The following SRPK2 variants were observed in gnomAD, a reference collection of about 807,000 sequenced individuals.
SRPK2 encodes SFRS protein kinase 2.
SRPK2 carries 21 observed loss-of-function variants against 90.8 expected under a neutral mutation model. That is an observed-to-expected ratio of 0.23 (90% CI 0.16 to 0.33). The LOEUF is 0.33. SRPK2 is among the 10% of genes least tolerant of loss of function. The pLI is 1.00. For synonymous variants in SRPK2, 288 were observed against 311.1 expected, an observed-to-expected ratio of 0.93 and a Z score of 0.78; for missense variants, 620 against 869.0, an observed-to-expected ratio of 0.71 and a Z score of 3.60.
chr7:105,381,807 G>A (rs926921419), intron 2 of SRPK2, among the ~76,000 whole-genome samples: 1 of 152,094 alleles, frequency 6.6e-6, no homozygotes, highest in Non-Finnish European at 1.5e-5. Flanking sequence ...TATACTACAG[G>A]GAAGTATAAA....
intron 2 of SRPK2, among the ~76,000 whole-genome samples, chr7:105,352,117 G>A (rs915951763): frequency 2.6e-5 from 4 of 152,060 alleles, no homozygotes; most frequent in Admixed American, 6.6e-5. Context: ...TAGAATCCCC[G>A]TCTTTTAACT....
intron 6 of SRPK2, among the ~76,000 whole-genome samples, chr7:105,164,168 G>A (rs1336757954): frequency 2.0e-5 from 3 of 152,340 alleles, no homozygotes; most frequent in Admixed American, 2.0e-4. Flanking sequence ...CTAGTGAAGA[G>A]GAAAGGTCAC....
At chr7:105,331,308 C>CAAAAAAAAAAAAAAAAAAAAAAAAAAAAA (rs57653042) in intron 2 of SRPK2, among the ~76,000 whole-genome samples, 1 of 45,106 alleles carries the variant, frequency 2.2e-5, no homozygotes, top group Non-Finnish European at 3.8e-5. Context: ...GACTCCGTCT[C>CAAAAAAAAAAAAAAAAAAAAAAAAAAAAA]AAAAAAAAAA....
At chr7:105,259,292 G>A (rs965318652) in intron 2 of SRPK2, among the ~76,000 whole-genome samples, 1 of 152,230 alleles carries the variant, frequency 6.6e-6, no homozygotes, top group East Asian at 1.9e-4. Flanking sequence ...AATTGCTTCA[G>A]AGAGAATAAA....
chr7:105,306,801 CA>C (rs1304539739), intron 2 of SRPK2, among the ~76,000 whole-genome samples: 1 of 152,084 alleles, frequency 6.6e-6, no homozygotes, highest in African/African-American at 2.4e-5. Context: ...AACACTATTA[CA>C]AGAACATTTT....
chr7:105,218,837 A>G (rs1797762044), intron 2 of SRPK2, among the ~76,000 whole-genome samples: 1 of 152,150 alleles, frequency 6.6e-6, no homozygotes, highest in Non-Finnish European at 1.5e-5. Context: ...GATAAATCCT[A>G]TTCATTTTTC....
intron 13 of SRPK2, among the ~76,000 whole-genome samples, chr7:105,129,050 C>T (rs903901305): frequency 2.0e-5 from 3 of 152,016 alleles, no homozygotes; most frequent in African/African-American, 7.2e-5. Context: ...TCTCAGCTCA[C>T]TGCAAGCTCA....
At chr7:105,169,037 C>A in intron 4 of SRPK2, 120 bp downstream of exon 4, 2 of 687,148 alleles carry the variant, frequency 2.9e-6, no homozygotes, top group South Asian at 2.5e-5. Context: ...CTGAGGCAGG[C>A]CTGTGCTAAG....
chr7:105,148,341 AAAAG>A (rs1804976068), intron 7 of SRPK2, among the ~76,000 whole-genome samples: 1 of 152,242 alleles, frequency 6.6e-6, no homozygotes, highest in African/African-American at 2.4e-5. Flanking sequence ...GCATTATACT[AAAAG>A]AAAGTGATGA....
chr7:105,329,930 G>A (rs1814082526), intron 2 of SRPK2, among the ~76,000 whole-genome samples: 1 of 152,148 alleles, frequency 6.6e-6, no homozygotes, highest in Admixed American at 6.6e-5. Context: ...AGCTACTCGG[G>A]AGACTGAGGC....
At chr7:105,385,201 G>T (rs2132750269) in intron 2 of SRPK2, among the ~76,000 whole-genome samples, 3 of 70,426 alleles carry the variant, frequency 4.3e-5, no homozygotes, top group African/African-American at 7.3e-5. Flanking sequence ...TTTTTTTTGA[G>T]ATGGAGTCTC....
At chr7:105,287,338 A>G (rs574643561) in intron 2 of SRPK2, among the ~76,000 whole-genome samples, 1 of 151,486 alleles carries the variant, frequency 6.6e-6, no homozygotes, top group Non-Finnish European at 1.5e-5. Context: ...CCAAAACATA[A>G]CTCTCACAAA....
chr7:105,358,741 G>C (rs1269263197), intron 2 of SRPK2, among the ~76,000 whole-genome samples: 1 of 152,012 alleles, frequency 6.6e-6, no homozygotes, highest in Non-Finnish European at 1.5e-5. Flanking sequence ...TTTACTATTT[G>C]TCTTAGTCTA....
At chr7:105,344,406 C>CTTTTTT (rs1563264048) in intron 2 of SRPK2, among the ~76,000 whole-genome samples, 2 of 128,612 alleles carry the variant, frequency 1.6e-5, no homozygotes, top group Admixed American at 8.7e-5. Flanking sequence ...TGCAGCCACA[C>CTTTTTT]CTTTTTTTTT....
At chr7:105,229,352 T>G (rs1050494661) in intron 2 of SRPK2, among the ~76,000 whole-genome samples, 1 of 151,872 alleles carries the variant, frequency 6.6e-6, no homozygotes, top group African/African-American at 2.4e-5. Flanking sequence ...TAGTCCCAGC[T>G]ACTCAGGAGG....
intron 1 of SRPK2, among the ~76,000 whole-genome samples, chr7:105,396,647 G>C: frequency 6.9e-6 from 1 of 145,788 alleles, no homozygotes; most frequent in South Asian, 2.3e-4. Context: ...AAGAAAGGGA[G>C]AGAGAGAGAG....
At chr7:105,226,377 C>T (rs1779381472) in intron 2 of SRPK2, among the ~76,000 whole-genome samples, 2 of 152,084 alleles carry the variant, frequency 1.3e-5, no homozygotes, top group South Asian at 4.1e-4. Context: ...AAAACCTCCA[C>T]CTCCAGGGTT....
chr7:105,183,838 T>G (rs1585091753), intron 3 of SRPK2, among the ~76,000 whole-genome samples: 1 of 152,208 alleles, frequency 6.6e-6, no homozygotes, highest in South Asian at 2.1e-4. Flanking sequence ...ACTCTGTAAT[T>G]TGGGAAACAA....
At chr7:105,228,542 C>T (rs996651136) in intron 2 of SRPK2, among the ~76,000 whole-genome samples, 2 of 152,298 alleles carry the variant, frequency 1.3e-5, no homozygotes, top group South Asian at 2.1e-4. Flanking sequence ...TTTTTGGAGA[C>T]GGGCGCAGTG....
Sources: allele counts gnomAD v4.1 joint callset (sites outside exome capture counted in the v4.1 genomes callset), GRCh38; gene constraint gnomAD v4.1.1; transcripts MANE v1.5; gene names NCBI Gene and HGNC (gene_info 2026-07-23, HGNC 2026-07-21).